The following NAF1 variants were observed in gnomAD, a reference collection of about 807,000 sequenced individuals.
NAF1 encodes nuclear assembly factor 1 ribonucleoprotein, also known as H/ACA ribonucleoprotein complex non-core subunit NAF1.
Under a neutral mutation model 40.6 loss-of-function variants are expected in NAF1, and 11 were observed. That is an observed-to-expected ratio of 0.27 (90% CI 0.17 to 0.45). NAF1 has a LOEUF of 0.45. Ranked by LOEUF, NAF1 falls within the 20% of genes least tolerant of loss-of-function variation. NAF1 has a pLI of 1.00. For missense variants in NAF1, 607 were observed against 611.1 expected, an observed-to-expected ratio of 0.99 and a Z score of 0.07; for synonymous variants, 260 against 228.5, an observed-to-expected ratio of 1.14 and a Z score of -1.24.
chr4:163,133,520 T>C (rs1434397904), intron 6 of NAF1: 1 of 344,590 alleles, frequency 2.9e-6, no homozygotes, highest in Non-Finnish European at 5.3e-6. Context: ...GACTTAAAAT[T>C]CATCATAGTA....
At chr4:163,154,243 A>G (rs1427960226) in intron 2 of NAF1, among the ~76,000 whole-genome samples, 3 of 152,252 alleles carry the variant, frequency 2.0e-5, no homozygotes, top group Admixed American at 6.5e-5. Flanking sequence ...ATAGGAACGT[A>G]CAGTTTCCTG....
At chr4:163,121,274 T>C (rs572704637) in intron 2 of NAF1, among the ~76,000 whole-genome samples, 1 of 152,308 alleles carries the variant, frequency 6.6e-6, no homozygotes, top group South Asian at 2.1e-4. Context: ...TGGAACATAA[T>C]TGCATGTAGT....
At chr4:163,108,528 A>G (rs1292637117), downstream of NAF1, among the ~76,000 whole-genome samples, 1 of 152,242 alleles carries the variant, frequency 6.6e-6, no homozygotes, top group Non-Finnish European at 1.5e-5. Context: ...CACAGATTAA[A>G]GAAATAATTG....
At chr4:163,117,723 G>GCACACACACACA (rs1730391359) in intron 2 of NAF1, among the ~76,000 whole-genome samples, 1 of 74,942 alleles carries the variant, frequency 1.3e-5, no homozygotes, top group Non-Finnish European at 2.9e-5. Context: ...ACACACGCAT[G>GCACACACACACA]AATACATCAT....
intron 6 of NAF1, chr4:163,133,706 T>G (rs1479325782): frequency 1.3e-5 from 2 of 153,764 alleles, no homozygotes; most frequent in African/African-American, 2.4e-5. Flanking sequence ...ACCATCTTAT[T>G]TTTTAAATAT....
intron 1 of NAF1, 47 bp downstream of exon 1, chr4:163,166,316 T>G: frequency 3.3e-6 from 5 of 1,517,574 alleles, no homozygotes; most frequent in Non-Finnish European, 4.4e-6. Flanking sequence ...CCCCCGCCCG[T>G]CATACAAGAC....
rs768892856 is a variant in NAF1 at position 163,166,622 on chromosome 4, G to A, written c.106C>T (p.Pro36Ser). The change falls in exon 1 of 8, where the codon CCT (proline) becomes TCT (serine). Residue 36 changes from proline to serine, a missense_variant. This residue lies in a region of NAF1 where 407 missense variants were observed against 365.5 expected (regional missense o/e 1.11). Transcript: ENST00000274054. ...AGCGGCGGCTGTGTCCCTGGCACAG[G>A]GGCAGAGCCCGGAGACGGAGCCGCC... ...GPAAPSPGSA[P>S]VPGTQPPLQS... 4.3e-6 allele frequency: 7 copies of A among 1,611,484 alleles called. No homozygotes were observed. The highest frequency in any genetic ancestry group is 5.9e-6 in the Non-Finnish European group (7 of 1,179,574).
chr4:163,121,413 A>G (rs1730514883), intron 2 of NAF1, among the ~76,000 whole-genome samples: 1 of 152,230 alleles, frequency 6.6e-6, no homozygotes, highest in Admixed American at 6.5e-5. Context: ...AGAAAAGGAC[A>G]CAAATATGTG....
At chr4:163,104,297 T>C in the NAF1 span, among the ~76,000 whole-genome samples, 46 of 152,306 alleles carry the variant, frequency 3.0e-4, no homozygotes, top group African/African-American at 1.1e-3. Context: ...ATTATGATGG[T>C]TTAGCTTGGG....
chr4:163,139,093 C>T (rs1291492569), intron 5 of NAF1, among the ~76,000 whole-genome samples: 2 of 152,064 alleles, frequency 1.3e-5, no homozygotes, highest in African/African-American at 4.8e-5. Flanking sequence ...AAATTTTCAT[C>T]TCTGAAATAA....
Position 163,166,788 on chromosome 4 carries a change from C to G in NAF1, c.-61G>C, listed in dbSNP as rs1011166355. 4.1e-5 allele frequency: 66 copies of G among 1,597,422 alleles called. No individual in the cohort carries two copies. Among genetic ancestry groups the G allele is most frequent in the Non-Finnish European group, 5.4e-5 (63 of 1,173,608 alleles). On this transcript the variant is annotated 5_prime_UTR_variant, in exon 1 of 8. Coordinates refer to ENST00000274054, the MANE Select transcript of NAF1 (RefSeq NM_138386.3). ...GGGGCCCCTGGACAAGCTCACGGCT[C>G]TCTCCAGAAATAGAAAAACAACTTA...
chr4:163,165,982 T>TA (rs200992095), intron 1 of NAF1, among the ~76,000 whole-genome samples: 1,785 of 151,226 alleles, frequency 0.012, 15 homozygotes, highest in Middle Eastern at 0.017. Flanking sequence ...GATGTGATGA[T>TA]AAAAAAAAAT....
rs1224710031 is a variant in NAF1 at position 163,161,925 on chromosome 4, C to G, written c.540+2292G>C. 2.0e-5 allele frequency among the ~76,000 whole-genome samples: 3 copies of G among 152,116 alleles called. No homozygotes were observed. The South Asian group carries it at 6.2e-4, about 32-fold the overall frequency. On this transcript the variant is annotated intron_variant, in intron 2 of 7. Transcript: ENST00000274054. The stretch of plus-strand genomic sequence containing the variant: ...CTCCCTTTCTGTCAACTGGCTGTTA[C>G]GCACTCCCACCCTCTCGCACTAGCC...
chr4:163,128,960 AGGGGGAGGGGGTG>A lies in NAF1; in HGVS notation c.1409_1421del (p.Pro470LeufsTer23). On this transcript the variant is annotated frameshift_variant, in exon 8 of 8. Coordinates refer to ENST00000274054, the MANE Select transcript of NAF1 (RefSeq NM_138386.3). LOFTEE classifies it high-confidence loss of function. ...AAGAGGGTGGAGGAGGCAGTGGTGGAGGGGGAGGGGGTGGGGGTAGGGAGTATGGTAAGTTAAG... is the reference window on the plus strand; with the variant it reads ...AAGAGGGTGGAGGAGGCAGTGGTGGAGGGGTAGGGAGTATGGTAAGTTAAG... The A allele has an allele frequency of 1.2e-5, 4 of 346,064 alleles. No homozygotes were observed. Among genetic ancestry groups the A allele is most frequent in the Non-Finnish European group, 2.3e-5 (4 of 176,398 alleles). 21.4% of individuals were successfully genotyped at this position (346,064 alleles called of 1,614,324 possible).
chr4:163,138,929 T>C (rs1731155820), intron 5 of NAF1, among the ~76,000 whole-genome samples: 1 of 152,182 alleles, frequency 6.6e-6, no homozygotes, highest in South Asian at 2.1e-4. Context: ...AACATATTAA[T>C]ATCTTGAAGA....
In NAF1 at chr4:163,146,762, C is replaced by T. The variant is rs150271355; in HGVS notation, c.635-898G>A. 5.9e-5 allele frequency among the ~76,000 whole-genome samples: 9 copies of T among 152,294 alleles called. No homozygotes were observed. In the East Asian group the frequency reaches 1.7e-3, roughly 29 times the overall value. On this transcript the variant is annotated intron_variant, in intron 3 of 7. Coordinates refer to ENST00000274054, the MANE Select transcript of NAF1 (RefSeq NM_138386.3). ...AGGAGTTTGAGACCAGCCTGGGCAACGTAGCAAGACCTTGTCTCTATTAAA... is the reference window on the plus strand; with the variant it reads ...AGGAGTTTGAGACCAGCCTGGGCAATGTAGCAAGACCTTGTCTCTATTAAA...
In NAF1 at chr4:163,148,493, A is replaced by T. The variant is rs7688473; in HGVS notation, c.541-59T>A. Reference sequence around the variant, plus strand: ...CCTCCAGCTTCAACAACTTAAAAAAAATAAATTTTCCATTTTAAGTGCTAC... The same window carrying T: ...CCTCCAGCTTCAACAACTTAAAAAATATAAATTTTCCATTTTAAGTGCTAC... On this transcript the variant is annotated intron_variant, in intron 2 of 7. Transcript: ENST00000274054. 423 of 1,229,906 alleles carry T rather than the reference A, an allele frequency of 3.4e-4. 2 individuals carry two copies. In the African/African-American group the frequency reaches 5.8e-3, roughly 17 times the overall value. 76.2% of individuals were successfully genotyped at this position (1,229,906 alleles called of 1,614,324 possible).
intron 2 of NAF1, among the ~76,000 whole-genome samples, chr4:163,111,318 A>C (rs1473263344): frequency 6.6e-6 from 1 of 152,164 alleles, no homozygotes; most frequent in Non-Finnish European, 1.5e-5. Context: ...TGCTATCCCT[A>C]GAAAATTGGA....
chr4:163,151,617 A>C (rs1015812048), intron 2 of NAF1, among the ~76,000 whole-genome samples: 10 of 152,162 alleles, frequency 6.6e-5, no homozygotes, highest in African/African-American at 2.4e-4. Context: ...GTACTAAACT[A>C]TTTTAACAAC....
Sources: allele counts gnomAD v4.1 joint callset (sites outside exome capture counted in the v4.1 genomes callset), GRCh38; gene constraint gnomAD v4.1.1; regional missense constraint gnomAD v4.1.1; transcripts MANE v1.5; gene names NCBI Gene and HGNC (gene_info 2026-07-23, HGNC 2026-07-21).